Variants in SNRPN observed in about 807,000 individuals in gnomAD.
SNRPN encodes small nuclear ribonucleoprotein polypeptide N.
SNRPN carries 7 observed loss-of-function variants against 25.2 expected under a neutral mutation model. The ratio of observed to expected loss-of-function variants is 0.28; its 90% CI spans 0.16 to 0.52. The LOEUF (loss-of-function observed/expected upper bound fraction) is 0.52, where lower values mean the gene tolerates loss of function less well. Ranked by LOEUF, SNRPN falls within the 20% of genes least tolerant of loss-of-function variation. The pLI, the probability that SNRPN is intolerant of heterozygous loss-of-function variation, is 0.96. For synonymous variants in SNRPN, 124 were observed against 110.6 expected, an observed-to-expected ratio of 1.12 and a Z score of -0.76; for missense variants, 196 against 322.5, an observed-to-expected ratio of 0.61 and a Z score of 3.00.
chr15:24,831,360 G>A (rs1025671391), intron 2 of SNRPN, among the ~76,000 whole-genome samples: 45 of 151,716 alleles, frequency 3.0e-4, no homozygotes, highest in African/African-American at 1.0e-3. Flanking sequence ...AAAATTTGAG[G>A]TATTGACTAT....
chr15:24,879,552 A>G (rs942760231), intron 1 of SNRPN, among the ~76,000 whole-genome samples: 1 of 152,192 alleles, frequency 6.6e-6, no homozygotes, highest in Non-Finnish European at 1.5e-5. Context: ...TGTAAAATGC[A>G]TTTGCCTTTT....
intron 8 of SNRPN, 124 bp from the exon 9 acceptor site, chr15:24,978,069 C>G (rs1566978973): frequency 8.3e-7 from 1 of 1,206,932 alleles, no homozygotes; most frequent in East Asian, 2.4e-5. Context: ...GAGTAATTGT[C>G]ATATAGAAGT....
chr15:24,847,178 C>T (rs1260271566), intron 2 of SNRPN, among the ~76,000 whole-genome samples: 1 of 152,096 alleles, frequency 6.6e-6, no homozygotes, highest in African/African-American at 2.4e-5. Context: ...TTTCAAAATA[C>T]CTGCTACACT....
rs562604473 is a variant in SNRPN, at chr15:24,832,793, A to G, written c.-579+2888A>G. On this transcript the variant is annotated intron_variant, in intron 2 of 12. Transcript: ENST00000400100. ...ACACAGACTTGCTGCAGCTGTACAG[A>G]TGATGAACGTAGAACTCAAAAGATG... Among the ~76,000 whole-genome samples the G allele has an allele frequency of 2.0e-5, 3 of 152,044 alleles. No individual in the cohort carries two copies. The South Asian group carries it at 6.2e-4, about 32-fold the overall frequency.
At chr15:24,845,055 G>T (rs1468862405) in intron 2 of SNRPN, among the ~76,000 whole-genome samples, 3 of 152,058 alleles carry the variant, frequency 2.0e-5, no homozygotes, top group Admixed American at 2.0e-4. Flanking sequence ...AGGAGCTTTT[G>T]CTACAAATAC....
intron 2 of SNRPN, among the ~76,000 whole-genome samples, chr15:24,904,551 A>T (rs918383295): frequency 7.9e-5 from 12 of 152,070 alleles, no homozygotes; most frequent in Non-Finnish European, 1.6e-4. Context: ...GCTACTCAGG[A>T]GGCTGAAGCA....
chr15:24,974,836 G>T (rs1017845484), intron 4 of SNRPN: 1 of 686,486 alleles, frequency 1.5e-6, no homozygotes, highest in Non-Finnish European at 2.7e-6. Context: ...TGGGATTACA[G>T]GCATGAGATG....
chr15:24,947,904 A>AT (rs895963722), intron 3 of SNRPN, among the ~76,000 whole-genome samples: 11 of 150,998 alleles, frequency 7.3e-5, no homozygotes, highest in Non-Finnish European at 1.0e-4. Flanking sequence ...TTCTGCTAGA[A>AT]TTTTTTTTTA....
chr15:24,909,979 G>T (rs1007179219), intron 2 of SNRPN, among the ~76,000 whole-genome samples: 12 of 152,016 alleles, frequency 7.9e-5, no homozygotes, highest in Admixed American at 5.2e-4. Flanking sequence ...CAGACTTTAG[G>T]CTAAGAAAGC....
At chr15:24,937,180 G>C (rs1417081818) in intron 3 of SNRPN, among the ~76,000 whole-genome samples, 2 of 152,060 alleles carry the variant, frequency 1.3e-5, no homozygotes, top group African/African-American at 2.4e-5. Flanking sequence ...GCCGGAGATT[G>C]CAGCAAGACG....
At chr15:24,826,052 A>G (rs2050057147) in intron 1 of SNRPN, among the ~76,000 whole-genome samples, 1 of 152,026 alleles carries the variant, frequency 6.6e-6, no homozygotes, top group Non-Finnish European at 1.5e-5. Context: ...TGGCCGTGTC[A>G]TGTAAAGGGC....
chr15:24,867,397 C>T (rs558037414), intron 1 of SNRPN, among the ~76,000 whole-genome samples: 50 of 146,388 alleles, frequency 3.4e-4, no homozygotes, highest in Non-Finnish European at 5.7e-4. Flanking sequence ...TTGGGGGGGA[C>T]GGAGTCTCAC....
intron 2 of SNRPN, among the ~76,000 whole-genome samples, chr15:24,838,251 G>A (rs1431081364): frequency 6.7e-6 from 1 of 148,448 alleles, no homozygotes; most frequent in Admixed American, 6.7e-5. Context: ...TAGCCAGGAT[G>A]GTCTCAATCT....
intron 2 of SNRPN, among the ~76,000 whole-genome samples, chr15:24,843,459 C>T (rs868664446): frequency 1.2e-4 from 19 of 152,050 alleles, no homozygotes; most frequent in African/African-American, 4.6e-4. Context: ...AGCAGCTTCG[C>T]CAACATAGTG....
chr15:24,950,997 T>G (rs2062224750), upstream of SNRPN, among the ~76,000 whole-genome samples: 1 of 152,028 alleles, frequency 6.6e-6, no homozygotes, highest in Admixed American at 6.6e-5. Flanking sequence ...CAGCTGGGAC[T>G]GCAGGCGCCC....
intron 1 of SNRPN, among the ~76,000 whole-genome samples, chr15:24,857,414 G>GT (rs926761384): frequency 9.9e-5 from 15 of 151,662 alleles, no homozygotes; most frequent in South Asian, 4.2e-4. Context: ...AATATTTTGG[G>GT]TTTTTTTTAT....
In SNRPN at chr15:24,934,068, C is replaced by T. The variant is rs924651257; in HGVS notation, c.-391+13944C>T. The stretch of plus-strand genomic sequence containing the variant: ...ATCCCATCACTTTGGGAGGCCGAGG[C>T]GGGCGAATCACCTGAGTTTGGGAGT... On this transcript the variant is annotated intron_variant, in intron 3 of 11. Coordinates refer to the SNRPN transcript ENST00000400097. Among the ~76,000 whole-genome samples, 7 of 152,090 alleles carry T rather than the reference C, an allele frequency of 4.6e-5. No individual in the cohort carries two copies. In the South Asian group the frequency reaches 1.0e-3, roughly 23 times the overall value.
intron 1 of SNRPN, among the ~76,000 whole-genome samples, chr15:24,878,726 C>A (rs145485571): frequency 2.6e-5 from 4 of 152,048 alleles, no homozygotes; most frequent in Non-Finnish European, 5.9e-5. Flanking sequence ...TATATCCTTC[C>A]CTCTCAATAT....
At chr15:24,970,698 C>T (rs2076290046) in intron 3 of SNRPN, among the ~76,000 whole-genome samples, 1 of 152,114 alleles carries the variant, frequency 6.6e-6, no homozygotes, top group South Asian at 2.1e-4. Flanking sequence ...ATTAGTATGA[C>T]TTTTAAACGT....
Sources: gnomAD v4.1 joint callset for allele counts (sites outside exome capture counted in the v4.1 genomes callset) on GRCh38, gnomAD v4.1.1 for gene constraint, MANE v1.5 for transcripts, NCBI Gene and HGNC (gene_info 2026-07-23, HGNC 2026-07-21) for gene names.